Variants in C1QL4 observed in about 807,000 individuals in gnomAD.
C1QL4 encodes the protein complement C1q like 4, also known as complement C1q-like protein 4.
Under a neutral mutation model 13.4 loss-of-function variants are expected in C1QL4, and 5 were observed. That is an observed-to-expected ratio of 0.37 (90% CI 0.19 to 0.78). The LOEUF is 0.78. Among genes scored for constraint, C1QL4 ranks in the 30% least tolerant of loss-of-function variants. The pLI is 0.47. For missense variants in C1QL4, 367 were observed against 361.6 expected (o/e 1.01, Z -0.12); for synonymous variants, 168 against 153.9 (o/e 1.09, Z -0.68).
In C1QL4 at chr12:49,332,843, C is replaced by T; in HGVS notation, c.*211G>A. The T allele has an allele frequency of 3.4e-6, 2 of 591,972 alleles. No homozygotes were observed. Among genetic ancestry groups the T allele is most frequent in the South Asian group, 2.1e-5 (1 of 47,838 alleles). 36.7% of individuals were successfully genotyped at this position (591,972 alleles called of 1,614,324 possible). A position where few individuals can be genotyped will look rare whatever the true frequency, so the allele number is the denominator to read the frequency against. On this transcript the variant is annotated 3_prime_UTR_variant, in exon 2 of 2. Coordinates refer to ENST00000334221, the MANE Select transcript of C1QL4 (RefSeq NM_001008223.2). The stretch of plus-strand genomic sequence containing the variant: ...GGGTGCGGGTGATCCCTCCGGAAGT[C>T]GCTCTGCTCCTCTGGCCGGGTCTCC...
Position 49,336,489 on chromosome 12 carries a change from C to G in C1QL4, c.-12G>C, listed in dbSNP as rs972171695. ...AGCAGCAGCACCATGGCCACTCCGA[C>G]GGCCGCGCCCGCCACCCTCTTGCGG... is the stretch of plus-strand genomic sequence containing the variant. On this transcript the variant is annotated 5_prime_UTR_variant, in exon 1 of 2. Coordinates refer to ENST00000334221, the MANE Select transcript of C1QL4 (RefSeq NM_001008223.2). The surrounding 1 kb of genome is among the most constrained non-coding windows in gnomAD (Gnocchi z 7.7). 6.7e-7 allele frequency: 1 copy of G among 1,483,338 alleles called. No individual in the cohort carries two copies. Among genetic ancestry groups the G allele is most frequent in the African/African-American group, 1.5e-5 (1 of 68,098 alleles). The allele number at this position is 1,483,338 out of a possible 1,614,324, so 91.9% of individuals were successfully genotyped here.
Position 49,332,903 on chromosome 12 carries a change from A to T in C1QL4, c.*151T>A. 9 of 774,186 alleles carry T rather than the reference A, an allele frequency of 1.2e-5. No homozygotes were observed. Among genetic ancestry groups the T allele is most frequent in the Non-Finnish European group, 1.8e-5 (9 of 494,508 alleles). 48.0% of individuals were successfully genotyped at this position (774,186 alleles called of 1,614,324 possible). On this transcript the variant is annotated 3_prime_UTR_variant, in exon 2 of 2. Coordinates refer to ENST00000334221, the MANE Select transcript of C1QL4 (RefSeq NM_001008223.2). ...CGGCCACTTATACCCTTGAGCACCA[A>T]GAGTTCGCCCATTTAGGCCGCCTCC...
rs774133169 is a variant in C1QL4 at position 49,335,986 on chromosome 12, G to A, written c.492C>T (p.Gly164=). The change falls in exon 1 of 2, where the codon GGC becomes GGT. Residue 164 remains glycine, a synonymous_variant. Transcript: ENST00000334221. ...CGGCCCACATGCTGGTGCCGTCGCC[G>A]CCGCGCATGAGCACGTGGTAAGCGA... ...YFFAYHVLMR[G]GDGTSMWADL... The A allele has an allele frequency of 5.6e-6, 9 of 1,609,170 alleles. 2 individuals carry two copies. The African/African-American group carries it at 9.3e-5, about 17-fold the overall frequency.
rs528434620 is a variant in C1QL4, at chr12:49,335,829, G to C, written c.537+112C>G. On this transcript the variant is annotated intron_variant, in intron 1 of 1. Coordinates refer to ENST00000334221, the MANE Select transcript of C1QL4 (RefSeq NM_001008223.2). ...CATCTATCGTTCTTGGCAGCCTCGCGTTCCTGGATTCAGTGACGCTGTTTC... is the reference window on the plus strand; with the variant it reads ...CATCTATCGTTCTTGGCAGCCTCGCCTTCCTGGATTCAGTGACGCTGTTTC... The C allele has an allele frequency of 6.0e-6, 8 of 1,338,204 alleles. No individual in the cohort carries two copies. The African/African-American group carries it at 7.4e-5, about 12-fold the overall frequency. 82.9% of individuals were successfully genotyped at this position (1,338,204 alleles called of 1,614,324 possible). A position where few individuals can be genotyped will look rare whatever the true frequency, so the allele number is the denominator to read the frequency against.
chr12:49,334,883 G>C (rs929243376), intron 1 of C1QL4, among the ~76,000 whole-genome samples: 1 of 152,146 alleles, frequency 6.6e-6, no homozygotes, highest in Non-Finnish European at 1.5e-5. Context: ...AGCAGGTCTC[G>C]GGGCAGGTAG....
Position 49,336,087 on chromosome 12 carries a change from C to T in C1QL4, c.391G>A (p.Val131Met). The change falls in exon 1 of 2, where the codon GTG becomes ATG. Residue 131 changes from valine to methionine, a missense_variant. Transcript: ENST00000334221. The surrounding 1 kb of genome is among the most constrained non-coding windows in gnomAD (Gnocchi z 7.7). ...TAGGCGTTGCCCACGTTGGTCACCA[C>T]GTCGTCGAAGCGCAGCACCTCGTAA... ...EGYEVLRFDD[V>M]VTNVGNAYEA... 3.1e-6 allele frequency: 5 copies of T among 1,612,470 alleles called. No individual in the cohort carries two copies. The highest frequency in any genetic ancestry group is 4.2e-6 in the Non-Finnish European group (5 of 1,179,958).
chr12:49,336,492 C>T lies in C1QL4; in HGVS notation c.-15G>A. ...AGCAGCACCATGGCCACTCCGACGG[C>T]CGCGCCCGCCACCCTCTTGCGGCGG... On this transcript the variant is annotated 5_prime_UTR_variant, in exon 1 of 2. Coordinates refer to ENST00000334221, the MANE Select transcript of C1QL4 (RefSeq NM_001008223.2). This position sits in a 1 kb window ranked among gnomAD's most constrained non-coding sequence, Gnocchi z 7.7. The T allele has an allele frequency of 6.7e-7, 1 of 1,483,796 alleles. No homozygotes were observed. The highest frequency in any genetic ancestry group is 1.5e-5 in the African/African-American group (1 of 68,276). The allele number at this position is 1,483,796 out of a possible 1,614,324, so 91.9% of individuals were successfully genotyped here. A position where few individuals can be genotyped will look rare whatever the true frequency, so the allele number is the denominator to read the frequency against.
chr12:49,335,903 G>T, intron 1 of C1QL4, 38 bp downstream of exon 1: 2 of 1,571,340 alleles, frequency 1.3e-6, no homozygotes, highest in South Asian at 2.3e-5. Context: ...TCTAGAGAGC[G>T]ACCAGTCTGA....
Position 49,332,587 on chromosome 12 carries a change from AG to A in C1QL4, c.*466del. On this transcript the variant is annotated 3_prime_UTR_variant, in exon 2 of 2. Coordinates refer to ENST00000334221, the MANE Select transcript of C1QL4 (RefSeq NM_001008223.2). ...GAGCCTGAGCCTGAAAGTGGAGACG[AG>A]GGGACGAGAGGGTGGCGAGAGAAAG... 1 of 162,254 alleles carries A rather than the reference AG, an allele frequency of 6.2e-6. No individual in the cohort carries two copies. 10.1% of individuals were successfully genotyped at this position (162,254 alleles called of 1,614,324 possible). A position where few individuals can be genotyped will look rare whatever the true frequency, so the allele number is the denominator to read the frequency against.
At chr12:49,335,810 T>C in intron 1 of C1QL4, 131 bp downstream of exon 1, 1 of 1,163,340 alleles carries the variant, frequency 8.6e-7, no homozygotes, top group Non-Finnish European at 1.2e-6. Context: ...AAGTCATCTA[T>C]CGTTCTTGGC....
rs1943603792 is a variant in C1QL4, at chr12:49,333,044, CG to C, written c.*9del. On this transcript the variant is annotated 3_prime_UTR_variant, in exon 2 of 2. Coordinates refer to ENST00000334221, the MANE Select transcript of C1QL4 (RefSeq NM_001008223.2). ...AGAAGGGGCGAGCGGGGGCACGGGG[CG>C]GGGCCGGCTCAGTCGGGGTAGATGA... The C allele has an allele frequency of 1.9e-6, 3 of 1,602,730 alleles. No individual in the cohort carries two copies. The highest frequency in any genetic ancestry group is 2.7e-5 in the African/African-American group (2 of 74,562).
In C1QL4 at chr12:49,333,044, C is replaced by G. The variant is rs1943603758; in HGVS notation, c.*10G>C. On this transcript the variant is annotated 3_prime_UTR_variant, in exon 2 of 2. Transcript: ENST00000334221. ...AGAAGGGGCGAGCGGGGGCACGGGG[C>G]GGGGCCGGCTCAGTCGGGGTAGATG... is the stretch of plus-strand genomic sequence containing the variant. 4 of 1,602,730 alleles carry G rather than the reference C, an allele frequency of 2.5e-6. No individual in the cohort carries two copies. Among genetic ancestry groups the G allele is most frequent in the African/African-American group, 1.3e-5 (1 of 74,562 alleles).
intron 1 of C1QL4, 86 bp from the exon 2 acceptor site, chr12:49,333,319 C>G (rs1943606776): frequency 7.1e-7 from 1 of 1,405,082 alleles, no homozygotes; most frequent in South Asian, 1.4e-5. Flanking sequence ...CGAAGGCGGC[C>G]GGGCAGCCGC....
rs1476873072 is a variant in C1QL4 at position 49,336,327 on chromosome 12, G to C, written c.151C>G (p.Pro51Ala). 3 of 1,421,622 alleles carry C rather than the reference G, an allele frequency of 2.1e-6. No homozygotes were observed. Among genetic ancestry groups the C allele is most frequent in the Non-Finnish European group, 2.7e-6 (3 of 1,097,410 alleles). 88.1% of individuals were successfully genotyped at this position (1,421,622 alleles called of 1,614,324 possible). The part of the protein sequence containing the change: ...GPDGAPASVP[P>A]FPPGAKGEVG... ...TCTCCCTTGGCGCCTGGCGGGAAGGGGGGCACGGAAGCAGGCGCGCCGTCG... is the reference window on the plus strand; with the variant it reads ...TCTCCCTTGGCGCCTGGCGGGAAGGCGGGCACGGAAGCAGGCGCGCCGTCG... The change falls in exon 1 of 2, where the codon CCC becomes GCC. Residue 51 changes from proline (P) to alanine (A), a missense_variant. By Grantham distance (27) the Pro-to-Ala change is conservative (BLOSUM62 -1). Coordinates refer to ENST00000334221, the MANE Select transcript of C1QL4 (RefSeq NM_001008223.2). This position sits in a 1 kb window ranked among gnomAD's most constrained non-coding sequence, Gnocchi z 7.7.
At chr12:49,334,547 C>T (rs1943616823) in intron 1 of C1QL4, among the ~76,000 whole-genome samples, 1 of 152,290 alleles carries the variant, frequency 6.6e-6, no homozygotes, top group Admixed American at 6.5e-5. Flanking sequence ...AATTATTCAT[C>T]ATTATTCTAA....
Position 49,336,788 on chromosome 12 carries a change from A to C in C1QL4, c.-311T>G. On this transcript the variant is annotated 5_prime_UTR_variant, in exon 1 of 2. Transcript: ENST00000334221. The surrounding 1 kb of genome is among the most constrained non-coding windows in gnomAD (Gnocchi z 7.7). ...GGTCCAGAGCCAGTGGTCCTCTAGTACCCTCCCGTTCAGTCCTAACGATCC... is the reference window on the plus strand; with the variant it reads ...GGTCCAGAGCCAGTGGTCCTCTAGTCCCCTCCCGTTCAGTCCTAACGATCC... The C allele has an allele frequency of 8.6e-6, 3 of 347,908 alleles. No homozygotes were observed. Among genetic ancestry groups the C allele is most frequent in the Non-Finnish European group, 1.0e-5 (2 of 191,814 alleles). The allele number at this position is 347,908 out of a possible 1,614,324, so 21.6% of individuals were successfully genotyped here.
intron 1 of C1QL4, among the ~76,000 whole-genome samples, chr12:49,334,275 C>T (rs1039452334): frequency 6.6e-6 from 1 of 152,212 alleles, no homozygotes; most frequent in African/African-American, 2.4e-5. Flanking sequence ...TGTCAGTCCT[C>T]ATGGAGGGTT....
At position 49,332,893 on chromosome 12, in the gene C1QL4, T is replaced by C. The variant is rs1943601778; in HGVS notation, c.*161A>G. On this transcript the variant is annotated 3_prime_UTR_variant, in exon 2 of 2. Transcript: ENST00000334221. ...CTCCTCTTCCCGGCCACTTATACCC[T>C]TGAGCACCAAGAGTTCGCCCATTTA... 2 of 735,370 alleles carry C rather than the reference T, an allele frequency of 2.7e-6. No homozygotes were observed. Among genetic ancestry groups the C allele is most frequent in the Admixed American group, 5.8e-5 (2 of 34,222 alleles). The allele number at this position is 735,370 out of a possible 1,614,324, so 45.6% of individuals were successfully genotyped here.
chr12:49,335,971 G>A lies in C1QL4; in HGVS notation c.507C>T (p.Ser169=). 4 of 1,607,506 alleles carry A rather than the reference G, an allele frequency of 2.5e-6. No individual in the cohort carries two copies. Among genetic ancestry groups the A allele is most frequent in the Non-Finnish European group, 3.4e-6 (4 of 1,177,946 alleles). The change falls in exon 1 of 2, where the codon AGC becomes AGT. Residue 169 remains serine, a synonymous_variant. Coordinates refer to ENST00000334221, the MANE Select transcript of C1QL4 (RefSeq NM_001008223.2). ...HVLMRGGDGT[S]MWADLMKNGQ... ...CGTTCTTCATGAGGTCGGCCCACAT[G>A]CTGGTGCCGTCGCCGCCGCGCATGA... is the stretch of plus-strand genomic sequence containing the variant.
Sources: gnomAD v4.1 joint callset for allele counts (sites outside exome capture counted in the v4.1 genomes callset) on GRCh38, gnomAD v4.1.1 for gene constraint, Gnocchi (gnomAD v3.1) non-coding constraint, MANE v1.5 for transcripts, NCBI Gene and HGNC (gene_info 2026-07-23, HGNC 2026-07-21) for gene names.